The following ADGRL2 variants were observed in gnomAD, a reference collection of about 807,000 sequenced individuals.
ADGRL2 encodes adhesion G protein-coupled receptor L2, also known as calcium-independent alpha-latrotoxin receptor 2.
In ADGRL2, 44 loss-of-function variants were observed where a neutral mutation model predicts 157.4. That is an observed-to-expected ratio of 0.28 (90% CI 0.22 to 0.36). The LOEUF (loss-of-function observed/expected upper bound fraction) is 0.36. Among genes scored for constraint, ADGRL2 ranks in the 10% least tolerant of loss-of-function variants. The pLI, the probability that ADGRL2 is intolerant of heterozygous loss-of-function variation, is 1.00. For synonymous variants in ADGRL2, 585 were observed against 624.7 expected, an observed-to-expected ratio of 0.94 and a Z score of 0.95; for missense variants, 1,510 against 1,768.9, an observed-to-expected ratio of 0.85 and a Z score of 2.63.
chr1:81,763,823 A>G (rs575861272), intron 2 of ADGRL2, among the ~76,000 whole-genome samples: 1 of 152,132 alleles, frequency 6.6e-6, no homozygotes, highest in Non-Finnish European at 1.5e-5. Flanking sequence ...CCTGGCTAAC[A>G]TGGTGAAACC....
chr1:81,473,298 T>A (rs1199473956), intron 2 of ADGRL2, among the ~76,000 whole-genome samples: 1 of 152,214 alleles, frequency 6.6e-6, no homozygotes, highest in Non-Finnish European at 1.5e-5. Flanking sequence ...GGAAAATTTA[T>A]CCCTGCACTG....
intron 3 of ADGRL2, among the ~76,000 whole-genome samples, chr1:81,615,345 C>T (rs1431185940): frequency 6.6e-6 from 1 of 152,210 alleles, no homozygotes; most frequent in Non-Finnish European, 1.5e-5. Flanking sequence ...CGGCAACCCA[C>T]TTGGGTCCCC....
intron 2 of ADGRL2, among the ~76,000 whole-genome samples, chr1:81,571,763 A>G (rs2080698358): frequency 6.6e-6 from 1 of 152,182 alleles, no homozygotes; most frequent in Non-Finnish European, 1.5e-5. Context: ...ATAATTCTTA[A>G]TTCTGTCTGT....
At chr1:81,425,752 A>AG (rs965533232) in intron 1 of ADGRL2, among the ~76,000 whole-genome samples, 32 of 152,350 alleles carry the variant, frequency 2.1e-4, no homozygotes, top group Admixed American at 3.9e-4. Flanking sequence ...TAGAGCAGGT[A>AG]GGGGGGTCTG....
At chr1:81,500,411 C>T (rs1018672371) in intron 2 of ADGRL2, among the ~76,000 whole-genome samples, 6 of 152,162 alleles carry the variant, frequency 3.9e-5, no homozygotes, top group Non-Finnish European at 8.8e-5. Context: ...AAATGTTCAT[C>T]TACAGATGAA....
chr1:81,598,450 CATATA>C, intron 3 of ADGRL2, among the ~76,000 whole-genome samples: 1 of 152,246 alleles, frequency 6.6e-6, no homozygotes, highest in Middle Eastern at 3.4e-3. Flanking sequence ...TCACCCTGTA[CATATA>C]ATAAAATTAT....
At chr1:81,538,438 A>G (rs559728733) in intron 2 of ADGRL2, among the ~76,000 whole-genome samples, 4 of 152,306 alleles carry the variant, frequency 2.6e-5, no homozygotes, top group Admixed American at 2.0e-4. Flanking sequence ...GCAGGGGGAA[A>G]AAAGGAAAGG....
intron 2 of ADGRL2, among the ~76,000 whole-genome samples, chr1:81,837,896 G>A (rs2092362971): frequency 6.6e-6 from 1 of 151,932 alleles, no homozygotes; most frequent in Non-Finnish European, 1.5e-5. Flanking sequence ...CTAGTTGATA[G>A]TGGCAGTTAT....
intron 3 of ADGRL2, among the ~76,000 whole-genome samples, chr1:81,691,587 T>A (rs1378882849): frequency 6.6e-6 from 1 of 151,756 alleles, no homozygotes; most frequent in Non-Finnish European, 1.5e-5. Flanking sequence ...CAACCTCCAC[T>A]TCCTGGGTTC....
At chr1:81,508,400 G>A (rs1004907197) in intron 2 of ADGRL2, among the ~76,000 whole-genome samples, 3 of 152,114 alleles carry the variant, frequency 2.0e-5, no homozygotes, top group African/African-American at 7.2e-5. Flanking sequence ...ACACGCTGAC[G>A]TTGTACTCAC....
At chr1:81,447,756 T>A (rs1467067662) in intron 2 of ADGRL2, among the ~76,000 whole-genome samples, 1 of 152,202 alleles carries the variant, frequency 6.6e-6, no homozygotes, top group Non-Finnish European at 1.5e-5. Flanking sequence ...TTTCCTTACA[T>A]GTATGCGTAT....
chr1:81,640,825 G>A (rs1310820137), intron 3 of ADGRL2, among the ~76,000 whole-genome samples: 1 of 151,996 alleles, frequency 6.6e-6, no homozygotes, highest in Non-Finnish European at 1.5e-5. Context: ...GAGCACAGCC[G>A]ATTTCCCAGA....
chr1:81,727,880 A>G (rs1005609830), intron 1 of ADGRL2, among the ~76,000 whole-genome samples: 7 of 152,042 alleles, frequency 4.6e-5, no homozygotes, highest in African/African-American at 1.7e-4. Context: ...TTTTTTTAAC[A>G]TTTTAAAGAT....
intron 2 of ADGRL2, among the ~76,000 whole-genome samples, chr1:81,778,627 T>C (rs1239441818): frequency 6.6e-6 from 1 of 152,196 alleles, no homozygotes; most frequent in Non-Finnish European, 1.5e-5. Context: ...ATCCATTTCA[T>C]GGATCGAAAG....
At chr1:81,633,449 A>G (rs1331125922) in intron 3 of ADGRL2, among the ~76,000 whole-genome samples, 2 of 151,796 alleles carry the variant, frequency 1.3e-5, no homozygotes, top group East Asian at 3.9e-4. Flanking sequence ...TAAAAAAATC[A>G]GCCAGGCATG....
At chr1:81,769,181 T>C (rs2149338814) in intron 2 of ADGRL2, among the ~76,000 whole-genome samples, 1 of 152,344 alleles carries the variant, frequency 6.6e-6, no homozygotes, top group Non-Finnish European at 1.5e-5. Flanking sequence ...CTTTCTAATT[T>C]GTGCATTGTT....
chr1:81,762,410 T>C (rs569822814), intron 2 of ADGRL2, among the ~76,000 whole-genome samples: 1 of 152,320 alleles, frequency 6.6e-6, no homozygotes, highest in Admixed American at 6.5e-5. Flanking sequence ...ATTGTCTTTA[T>C]ATTTTTATGA....
At chr1:81,676,880 A>G (rs1406699096) in intron 3 of ADGRL2, among the ~76,000 whole-genome samples, 1 of 146,004 alleles carries the variant, frequency 6.8e-6, no homozygotes, top group Non-Finnish European at 1.5e-5. Context: ...TAGTAGAGAC[A>G]GGGTTTTATT....
chr1:81,487,998 T>C (rs1038945847), intron 2 of ADGRL2, among the ~76,000 whole-genome samples: 1 of 152,224 alleles, frequency 6.6e-6, no homozygotes, highest in Non-Finnish European at 1.5e-5. Flanking sequence ...TCATCACGAC[T>C]ACTTCTAGTC....
Sources: gnomAD v4.1 joint callset for allele counts (sites outside exome capture counted in the v4.1 genomes callset) on GRCh38, gnomAD v4.1.1 for gene constraint, MANE v1.5 for transcripts, NCBI Gene and HGNC (gene_info 2026-07-23, HGNC 2026-07-21) for gene names.